The following LHFPL3 variants were observed in gnomAD, a reference collection of about 807,000 sequenced individuals.
LHFPL3 encodes LHFPL tetraspan subfamily member 3 protein.
Under a neutral mutation model 19.3 loss-of-function variants are expected in LHFPL3, and 5 were observed. That is an observed-to-expected ratio of 0.26 (90% CI 0.14 to 0.54). LHFPL3 has a LOEUF of 0.54. Among genes scored for constraint, LHFPL3 ranks in the 20% least tolerant of loss-of-function variants. The pLI is 0.94. For synonymous variants in LHFPL3, 133 were observed against 126.2 expected (o/e 1.05, Z -0.36); for missense variants, 249 against 307.4 (o/e 0.81, Z 1.42).
At chr7:104,763,025 G>A (rs905201709) in intron 2 of LHFPL3, among the ~76,000 whole-genome samples, 11 of 152,212 alleles carry the variant, frequency 7.2e-5, no homozygotes, top group African/African-American at 2.7e-4. Context: ...CAGACATTGT[G>A]TGACAGAGTA....
chr7:104,428,011 C>T (rs909765679), intron 1 of LHFPL3, among the ~76,000 whole-genome samples: 1 of 152,118 alleles, frequency 6.6e-6, no homozygotes, highest in Non-Finnish European at 1.5e-5. Context: ...TGGAAAATGC[C>T]ATCCCAGTAA....
intron 1 of LHFPL3, among the ~76,000 whole-genome samples, chr7:104,504,458 T>C (rs1004278690): frequency 1.3e-5 from 2 of 152,316 alleles, no homozygotes; most frequent in Middle Eastern, 3.4e-3. Flanking sequence ...CCTTATGACA[T>C]TAAATTACAT....
At chr7:104,881,914 A>C (rs996552623) in intron 2 of LHFPL3, among the ~76,000 whole-genome samples, 2 of 152,150 alleles carry the variant, frequency 1.3e-5, no homozygotes, top group African/African-American at 4.8e-5. Flanking sequence ...ACCAGCAAAA[A>C]TTCGTTCATT....
intron 1 of LHFPL3, among the ~76,000 whole-genome samples, chr7:104,432,793 T>G (rs1480262562): frequency 6.6e-6 from 1 of 152,156 alleles, no homozygotes; most frequent in East Asian, 1.9e-4. Flanking sequence ...CACCCCTAAT[T>G]AATTTCTAAA....
At chr7:104,748,068 C>A (rs1393995904) in intron 2 of LHFPL3, among the ~76,000 whole-genome samples, 2 of 151,806 alleles carry the variant, frequency 1.3e-5, no homozygotes, top group African/African-American at 4.8e-5. Flanking sequence ...ACCCCGTGCT[C>A]TCTGAAACAT....
At chr7:104,780,638 C>A (rs1475327954) in intron 2 of LHFPL3, among the ~76,000 whole-genome samples, 3 of 152,150 alleles carry the variant, frequency 2.0e-5, no homozygotes, top group Non-Finnish European at 2.9e-5. Context: ...AACCGCCCAC[C>A]CTTGCTCACT....
chr7:104,786,689 G>GTGTGTGTGTGTGTGT (rs1789921384), intron 2 of LHFPL3: 1 of 129,876 alleles, frequency 7.7e-6, no homozygotes, highest in East Asian at 4.7e-4. Flanking sequence ...GTGTGTGTGG[G>GTGTGTGTGTGTGTGT]GTGTGTGTGT....
At chr7:104,600,601 A>G (rs1160167175) in intron 1 of LHFPL3, among the ~76,000 whole-genome samples, 1 of 152,220 alleles carries the variant, frequency 6.6e-6, no homozygotes, top group Non-Finnish European at 1.5e-5. Context: ...CAGAGTGAAG[A>G]AGTAGATTAT....
Position 104,714,570 on chromosome 7 carries a change from G to C in LHFPL3, c.446-22105G>C, listed in dbSNP as rs150499392. Among the ~76,000 whole-genome samples the C allele has an allele frequency of 1.9e-3, 291 of 151,944 alleles. 3 individuals carry two copies. Among genetic ancestry groups the C allele is most frequent in the African/African-American group, 5.9e-3 (246 of 41,452 alleles). ...AGATTTAGTAAGTCAGTGCCTCGGA[G>C]TTCATATAACCTTAATCTTAAACAT... On this transcript the variant is annotated intron_variant, in intron 1 of 2. Transcript: ENST00000424859.
intron 1 of LHFPL3, among the ~76,000 whole-genome samples, chr7:104,496,742 G>C (rs1286555190): frequency 1.3e-5 from 2 of 152,062 alleles, no homozygotes; most frequent in Non-Finnish European, 2.9e-5. Context: ...TATTTCCTTA[G>C]CTTAAATATA....
chr7:104,394,792 C>G (rs1584290158), intron 1 of LHFPL3, among the ~76,000 whole-genome samples: 1 of 152,006 alleles, frequency 6.6e-6, no homozygotes, highest in African/African-American at 2.4e-5. Flanking sequence ...CCTCCACCTC[C>G]TTGGTTCAAG....
chr7:104,853,624 G>C (rs1791450248), intron 2 of LHFPL3, among the ~76,000 whole-genome samples: 1 of 152,170 alleles, frequency 6.6e-6, no homozygotes, highest in South Asian at 2.1e-4. Context: ...TATTTACTTA[G>C]AATGACATTT....
intron 2 of LHFPL3, among the ~76,000 whole-genome samples, chr7:104,878,967 A>T (rs1791997610): frequency 6.6e-6 from 1 of 152,240 alleles, no homozygotes; most frequent in Non-Finnish European, 1.5e-5. Context: ...TAACTATAAC[A>T]ATTCCTTAAG....
At chr7:104,455,368 CAG>C (rs61052445) in intron 1 of LHFPL3, among the ~76,000 whole-genome samples, 25,546 of 152,022 alleles carry the variant, frequency 0.17, 2,130 homozygotes, top group Middle Eastern at 0.2. Context: ...TTCTAAAAAA[CAG>C]AATCTAAAAC....
chr7:104,517,191 A>T (rs374819222), intron 1 of LHFPL3, among the ~76,000 whole-genome samples: 1 of 152,062 alleles, frequency 6.6e-6, no homozygotes, highest in South Asian at 2.1e-4. Context: ...TACCTAATGG[A>T]TACTAGGCTT....
intron 1 of LHFPL3, among the ~76,000 whole-genome samples, chr7:104,561,642 C>G (rs1341313078): frequency 1.3e-5 from 2 of 152,088 alleles, no homozygotes; most frequent in African/African-American, 4.8e-5. Flanking sequence ...ATCCAATTTG[C>G]CAGTCTGTGT....
chr7:104,807,808 C>T (rs1299854428), intron 2 of LHFPL3, among the ~76,000 whole-genome samples: 1 of 152,234 alleles, frequency 6.6e-6, no homozygotes, highest in African/African-American at 2.4e-5. Flanking sequence ...CTCCCTCCAT[C>T]CAACCACTCA....
At chr7:104,583,158 A>G (rs913305870) in intron 1 of LHFPL3, among the ~76,000 whole-genome samples, 7 of 152,054 alleles carry the variant, frequency 4.6e-5, no homozygotes, top group African/African-American at 1.2e-4. Flanking sequence ...ATGATGTCAC[A>G]TATCTACAAC....
At chr7:104,734,048 C>T (rs1793754711) in intron 1 of LHFPL3, among the ~76,000 whole-genome samples, 1 of 152,164 alleles carries the variant, frequency 6.6e-6, no homozygotes, top group South Asian at 2.1e-4. Context: ...TGAATATTGG[C>T]CCCCACTCTC....
Sources: gnomAD v4.1 joint callset for allele counts (sites outside exome capture counted in the v4.1 genomes callset) on GRCh38, gnomAD v4.1.1 for gene constraint, MANE v1.5 for transcripts, NCBI Gene and HGNC (gene_info 2026-07-23, HGNC 2026-07-21) for gene names.